ACTR1B: variants seen among roughly 807,000 people sequenced by gnomAD.
The protein encoded by ACTR1B is actin related protein 1B.
Under a neutral mutation model 49.4 loss-of-function variants are expected in ACTR1B, and 34 were observed. That is an observed-to-expected ratio of 0.69 (90% CI 0.52 to 0.92). The LOEUF is 0.92. Ranked by LOEUF, ACTR1B falls within the 40% of genes least tolerant of loss-of-function variation. The pLI is 0.00. For synonymous variants in ACTR1B, 207 were observed against 207.8 expected (o/e 1.00, Z 0.03); for missense variants, 471 against 522.4 (o/e 0.90, Z 0.96).
Position 97,658,143 on chromosome 2 carries a change from C to T in ACTR1B, c.751-26G>A. 2 of 1,613,100 alleles carry T rather than the reference C, an allele frequency of 1.2e-6. No homozygotes were observed. Among genetic ancestry groups the T allele is most frequent in the Non-Finnish European group, 1.7e-6 (2 of 1,179,394 alleles). ...CTTTAGTGTACAAGATTGAGGCAGA[C>T]AGGCTTCCTGGAGAAGCGGGCTACC... On this transcript the variant is annotated intron_variant, in intron 7 of 10. Transcript: ENST00000289228. The surrounding 1 kb of genome is among the most constrained non-coding windows in gnomAD (Gnocchi z 5.9).
rs775547948 is a variant in ACTR1B, at chr2:97,658,049, C to T, written c.819G>A (p.Glu273=). 17 of 1,614,162 alleles carry T rather than the reference C, an allele frequency of 1.1e-5. No individual in the cohort carries two copies. The South Asian group carries it at 1.3e-4, about 13-fold the overall frequency. The change falls in exon 8 of 11, where the codon GAG becomes GAA. Residue 273 remains glutamate, a synonymous_variant. Transcript: ENST00000289228. The surrounding 1 kb of genome is among the most constrained non-coding windows in gnomAD (Gnocchi z 5.9). ...FQPDLVGDES[E]GLHEVVAFAI... ...CGAAGGCCACCACCTCATGGAGCCCCTCACTCTCATCCCCGACAAGGTCCG... is the reference window on the plus strand; with the variant it reads ...CGAAGGCCACCACCTCATGGAGCCCTTCACTCTCATCCCCGACAAGGTCCG...
At chr2:97,657,324 T>G in intron 9 of ACTR1B, 124 bp downstream of exon 9, 1 of 1,502,046 alleles carries the variant, frequency 6.7e-7, no homozygotes, top group Admixed American at 1.7e-5. Flanking sequence ...AGCAGCAGCC[T>G]TGGGAAGAAC....
chr2:97,657,182 G>A lies in ACTR1B; in HGVS notation c.998C>T (p.Pro333Leu), dbSNP rs571901265. 17 of 1,613,502 alleles carry A rather than the reference G, an allele frequency of 1.1e-5. No individual in the cohort carries two copies. The highest frequency in any genetic ancestry group is 4.5e-5 in the East Asian group (2 of 44,866). The change falls in exon 10 of 11, where the codon CCG (proline) becomes CTG (leucine). Residue 333 changes from proline to leucine, a missense_variant. Transcript: ENST00000289228. ...CCATGTGGAGTACAGCCGTTCCTGCGGGGCTGAGATCTAGAAGGAGGAAGT... is the reference window on the plus strand; with the variant it reads ...CCATGTGGAGTACAGCCGTTCCTGCAGGGCTGAGATCTAGAAGGAGGAAGT... Reference protein sequence around the residue: ...PKDIKIKISAPQERLYSTWIG... With the variant: ...PKDIKIKISALQERLYSTWIG...
Position 97,658,046 on chromosome 2 carries a change from C to G in ACTR1B, c.822G>C (p.Gly274=). The G allele has an allele frequency of 2.5e-6, 4 of 1,614,134 alleles. No individual in the cohort carries two copies. The highest frequency in any genetic ancestry group is 3.4e-6 in the Non-Finnish European group (4 of 1,180,036). Residue 274 remains glycine (G), a synonymous_variant, in exon 8 of 11, where the codon GGG becomes GGC. Transcript: ENST00000289228. This position sits in a 1 kb window ranked among gnomAD's most constrained non-coding sequence, Gnocchi z 5.9. ...TGGCGAAGGCCACCACCTCATGGAG[C>G]CCCTCACTCTCATCCCCGACAAGGT... ...QPDLVGDESE[G]LHEVVAFAIH...
Position 97,659,436 on chromosome 2 carries a change from G to A in ACTR1B, c.231C>T (p.His77=), listed in dbSNP as rs753739961. Residue 77 remains histidine (H), a synonymous_variant, in exon 4 of 11, where the codon CAC becomes CAT. Transcript: ENST00000289228. This position sits in a 1 kb window ranked among gnomAD's most constrained non-coding sequence, Gnocchi z 4.0. ...TGTCGTTCCAGTCTCGCACCACGCC[G>A]TGCTCCATGGGGTAGCGGATGGTCA... is the stretch of plus-strand genomic sequence containing the variant. ...GLLTIRYPME[H]GVVRDWNDME... is the part of the protein sequence containing the mutation. The A allele has an allele frequency of 1.2e-5, 20 of 1,613,988 alleles. No homozygotes were observed. Among genetic ancestry groups the A allele is most frequent in the Non-Finnish European group, 1.6e-5 (19 of 1,179,996 alleles).
In ACTR1B at chr2:97,656,974, G is replaced by A; in HGVS notation, c.1029-14C>T. 2 of 1,588,166 alleles carry A rather than the reference G, an allele frequency of 1.3e-6. No individual in the cohort carries two copies. The highest frequency in any genetic ancestry group is 1.7e-6 in the Non-Finnish European group (2 of 1,166,218). On this transcript the variant is annotated splice_polypyrimidine_tract_variant and intron_variant, in intron 10 of 10. Transcript: ENST00000289228. ...AGGATGGAGCCGCTGTGGGGATGGA[G>A]GGATAGTATTGCTGTGGACCTGTCA...
At chr2:97,661,185 G>A (rs1296909585) in intron 2 of ACTR1B, among the ~76,000 whole-genome samples, 1 of 152,244 alleles carries the variant, frequency 6.6e-6, no homozygotes, top group Non-Finnish European at 1.5e-5. Context: ...CATGCAGTCA[G>A]AAAGGAATGC....
chr2:97,662,011 G>T, intron 1 of ACTR1B, 65 bp from the exon 2 acceptor site: 4 of 1,510,804 alleles, frequency 2.6e-6, no homozygotes, highest in Non-Finnish European at 1.8e-6. Context: ...CCCCCGCAAT[G>T]GAGAGAGCTG....
rs535608880 is a variant in ACTR1B at position 97,658,238 on chromosome 2, C to T, written c.736G>A (p.Gly246Ser). 1.2e-5 allele frequency: 20 copies of T among 1,614,148 alleles called. No homozygotes were observed. The highest frequency in any genetic ancestry group is 1.1e-4 in the South Asian group (10 of 91,078). The change falls in exon 7 of 11, where the codon GGC (glycine) becomes AGC (serine). Residue 246 changes from glycine (G) to serine (S), a missense_variant. Transcript: ENST00000289228. The surrounding 1 kb of genome is among the most constrained non-coding windows in gnomAD (Gnocchi z 5.9). ...CGGCCACTTACATCAAGCGTGCTGC[C>T]GTCTGGCAACGTGTACTGCACCTTC... ...TEKVQYTLPD[G>S]STLDVGPARF...
In ACTR1B at chr2:97,659,094, C is replaced by T; in HGVS notation, c.316-91G>A. The T allele has an allele frequency of 3.8e-6, 6 of 1,580,476 alleles. No homozygotes were observed. Among genetic ancestry groups the T allele is most frequent in the Non-Finnish European group, 5.2e-6 (6 of 1,157,618 alleles). ...CCAGAGAACCACACCCGCTGGCGCA[C>T]AGGCAGCTCAGCCTCCTACCCCTCC... is the stretch of plus-strand genomic sequence containing the variant. On this transcript the variant is annotated intron_variant, in intron 4 of 10. Transcript: ENST00000289228. The surrounding 1 kb of genome is among the most constrained non-coding windows in gnomAD (Gnocchi z 4.0).
chr2:97,663,922 G>T lies in ACTR1B; in HGVS notation c.-32C>A, dbSNP rs1211269872. On this transcript the variant is annotated 5_prime_UTR_variant, in exon 1 of 11. Transcript: ENST00000289228. ...GCCGCGCCGGCCCTGCCCAGCAGGC[G>T]GGCTGCAGGAGGCACCGGATGGGCG... 5.3e-6 allele frequency: 7 copies of T among 1,308,816 alleles called. No individual in the cohort carries two copies. Among genetic ancestry groups the T allele is most frequent in the Non-Finnish European group, 6.9e-6 (7 of 1,013,912 alleles). 81.1% of individuals were successfully genotyped at this position (1,308,816 alleles called of 1,614,324 possible).
In ACTR1B at chr2:97,658,551, T is replaced by A. The variant is rs1185885191; in HGVS notation, c.533A>T (p.His178Leu). 2 of 1,613,520 alleles carry A rather than the reference T, an allele frequency of 1.2e-6. No individual in the cohort carries two copies. Among genetic ancestry groups the A allele is most frequent in the South Asian group, 2.2e-5 (2 of 91,034 alleles). The change falls in exon 6 of 11, where the codon CAC becomes CTC. Residue 178 changes from histidine (H) to leucine (L), a missense_variant. His to Leu is a moderately conservative substitution (Grantham distance 99, BLOSUM62 -3). Transcript: ENST00000289228. This position sits in a 1 kb window ranked among gnomAD's most constrained non-coding sequence, Gnocchi z 5.9. ...GGCAATGTCCACCCGCATGATGGAG[T>A]GAGGCATGGCAAAGCCCTCATAGAT... ...VPIYEGFAMP[H>L]SIMRVDIAGR...
chr2:97,658,040 A>T lies in ACTR1B; in HGVS notation c.828T>A (p.His276Gln). 1.2e-6 allele frequency: 2 copies of T among 1,614,060 alleles called. No individual in the cohort carries two copies. The highest frequency in any genetic ancestry group is 1.7e-6 in the Non-Finnish European group (2 of 1,179,986). ...DLVGDESEGL[H>Q]EVVAFAIHKS... ...TGTGTATGGCGAAGGCCACCACCTCATGGAGCCCCTCACTCTCATCCCCGA... is the reference window on the plus strand; with the variant it reads ...TGTGTATGGCGAAGGCCACCACCTCTTGGAGCCCCTCACTCTCATCCCCGA... Residue 276 changes from histidine (H) to glutamine (Q), a missense_variant, in exon 8 of 11, where the codon CAT becomes CAA. By Grantham distance (24) the His-to-Gln change is conservative. Transcript: ENST00000289228. The surrounding 1 kb of genome is among the most constrained non-coding windows in gnomAD (Gnocchi z 5.9).
chr2:97,656,821 C>T lies in ACTR1B; in HGVS notation c.*37G>A, dbSNP rs1213078947. ...GGGTTAAAGGCTCTGTCTCCCCTCCCTCCCCCTCTCCCAACATGCCCCGCC... is the reference window on the plus strand; with the variant it reads ...GGGTTAAAGGCTCTGTCTCCCCTCCTTCCCCCTCTCCCAACATGCCCCGCC... On this transcript the variant is annotated 3_prime_UTR_variant, in exon 11 of 11. Coordinates refer to ENST00000289228, the MANE Select transcript of ACTR1B (RefSeq NM_005735.4). 6.6e-7 allele frequency: 1 copy of T among 1,513,370 alleles called. No individual in the cohort carries two copies. Among genetic ancestry groups the T allele is most frequent in the Non-Finnish European group, 9.0e-7 (1 of 1,109,630 alleles). The allele number at this position is 1,513,370 out of a possible 1,614,324, so 93.7% of individuals were successfully genotyped here. A position where few individuals can be genotyped will look rare whatever the true frequency, so the allele number is the denominator to read the frequency against.
chr2:97,659,020 A>C lies in ACTR1B; in HGVS notation c.316-17T>G. ...CACAGGATGCTGCGAGGGACGGGAC[A>C]GTTGTAGGCATCAGAGGAGGCAACT... On this transcript the variant is annotated splice_polypyrimidine_tract_variant and intron_variant, in intron 4 of 10. Coordinates refer to ENST00000289228, the MANE Select transcript of ACTR1B (RefSeq NM_005735.4). This position sits in a 1 kb window ranked among gnomAD's most constrained non-coding sequence, Gnocchi z 4.0. 1 of 1,613,958 alleles carries C rather than the reference A, an allele frequency of 6.2e-7. No individual in the cohort carries two copies. The highest frequency in any genetic ancestry group is 8.5e-7 in the Non-Finnish European group (1 of 1,179,988).
rs1674931494 is a variant in ACTR1B, at chr2:97,658,846, G to A, written c.440+33C>T. 19 of 1,613,602 alleles carry A rather than the reference G, an allele frequency of 1.2e-5. No individual in the cohort carries two copies. The highest frequency in any genetic ancestry group is 1.6e-5 in the Non-Finnish European group (19 of 1,179,920). ...AAGCAGGACGGCACAGGGAGGACAG[G>A]ACTCAGGGAGGCCAGGCTTAGGGAG... On this transcript the variant is annotated intron_variant, in intron 5 of 10. Transcript: ENST00000289228. The surrounding 1 kb of genome is among the most constrained non-coding windows in gnomAD (Gnocchi z 5.9).
chr2:97,659,390 C>A lies in ACTR1B; in HGVS notation c.277G>T (p.Val93Phe), dbSNP rs771783716. Residue 93 changes from valine (V) to phenylalanine (F), a missense_variant, in exon 4 of 11, where the codon GTC (valine) becomes TTC (phenylalanine). By Grantham distance (50) the Val-to-Phe change is conservative (BLOSUM62 -1). Coordinates refer to ENST00000289228, the MANE Select transcript of ACTR1B (RefSeq NM_005735.4). This position sits in a 1 kb window ranked among gnomAD's most constrained non-coding sequence, Gnocchi z 4.0. ...GTCTGCAGCTGATCCTTGGAGTAGA[C>A]GTACTGCCAGATGCGTTCCATGTCG... The part of the protein sequence containing the change: ...WNDMERIWQY[V>F]YSKDQLQTFS... 1.2e-6 allele frequency: 2 copies of A among 1,614,012 alleles called. No homozygotes were observed.
rs556077158 is a variant in ACTR1B, at chr2:97,659,788, C to G, written c.190-311G>C. The G allele has an allele frequency of 1.9e-4, 84 of 433,660 alleles. No homozygotes were observed. The highest frequency in any genetic ancestry group is 1.3e-3 in the Middle Eastern group (2 of 1,506). The allele number at this position is 433,660 out of a possible 1,614,324, so 26.9% of individuals were successfully genotyped here. On this transcript the variant is annotated intron_variant, in intron 3 of 10. Transcript: ENST00000289228. The surrounding 1 kb of genome is among the most constrained non-coding windows in gnomAD (Gnocchi z 4.0). Reference sequence around the variant, plus strand: ...TCACTGCCGGCACATCCCCCACATTCTCCTCACACTCTGCCAGCTCCCCTC... The same window carrying G: ...TCACTGCCGGCACATCCCCCACATTGTCCTCACACTCTGCCAGCTCCCCTC...
At chr2:97,657,559 C>T in intron 8 of ACTR1B, 50 bp from the exon 9 acceptor site, 2 of 1,589,466 alleles carry the variant, frequency 1.3e-6, no homozygotes, top group Non-Finnish European at 1.7e-6. Flanking sequence ...GGCCTCCTCG[C>T]TGCTAGCTCC....
Sources: gnomAD v4.1 joint callset for allele counts (sites outside exome capture counted in the v4.1 genomes callset) on GRCh38, gnomAD v4.1.1 for gene constraint, Gnocchi (gnomAD v3.1) non-coding constraint, MANE v1.5 for transcripts, NCBI Gene and HGNC (gene_info 2026-07-23, HGNC 2026-07-21) for gene names.